Variants in PWWP3B observed in about 807,000 individuals in gnomAD.
PWWP3B encodes PWWP domain-containing DNA repair factor 3B.
A neutral mutation model predicts 15.7 loss-of-function variants in PWWP3B; 5 were observed. The ratio of observed to expected loss-of-function variants is 0.32; its 90% CI spans 0.17 to 0.67. The LOEUF (loss-of-function observed/expected upper bound fraction) is 0.67, where lower values mean the gene tolerates loss of function less well. Ranked by LOEUF, PWWP3B falls within the 30% of genes least tolerant of loss-of-function variation. The probability of loss-of-function intolerance (pLI) is 0.74; values close to 1 mark genes in which losing one functional copy is unlikely to be tolerated. For synonymous variants in PWWP3B, 203 were observed against 179.8 expected (o/e 1.13, Z -1.03); for missense variants, 519 against 493.1 (o/e 1.05, Z -0.50).
chrX:106,177,439 G>T (rs1038438671), intron 2 of PWWP3B: 1 of 112,684 alleles, frequency 8.9e-6, no homozygotes, highest in Non-Finnish European at 1.9e-5. Context: ...GGAAAGAAAA[G>T]AAATAGAGAT....
intron 2 of PWWP3B, among the ~76,000 whole-genome samples, chrX:106,191,841 A>G (rs1183166578): frequency 8.9e-6 from 1 of 111,899 alleles, no homozygotes; most frequent in Admixed American, 9.5e-5. Context: ...GTTGGATTAC[A>G]TTTATTGATT....
intron 2 of PWWP3B, among the ~76,000 whole-genome samples, chrX:106,186,099 G>A (rs1487908817): frequency 9.0e-6 from 1 of 111,611 alleles, no homozygotes; most frequent in Admixed American, 9.5e-5. Flanking sequence ...ACTAGCCTTG[G>A]AGAAGAGAGG....
chrX:106,193,568 T>G (rs1923154156), intron 2 of PWWP3B, among the ~76,000 whole-genome samples: 1 of 111,851 alleles, frequency 8.9e-6, no homozygotes, highest in Admixed American at 9.5e-5. Flanking sequence ...ATGTGTGAAT[T>G]TGATCCTGTC....
At position 106,183,703 on chromosome X, in the gene PWWP3B, G is replaced by T. The variant is rs139087944; in HGVS notation, c.-401+12564G>T. The stretch of plus-strand genomic sequence containing the variant: ...TTCCTTGGATGGTAACGGGCCTTGA[G>T]GACAGCTGTCTAGGATAGGAGATAA... On this transcript the variant is annotated intron_variant, in intron 2 of 3. Coordinates refer to ENST00000357175, the MANE Select transcript of PWWP3B (RefSeq NM_001171020.2). 4.0e-3 allele frequency among the ~76,000 whole-genome samples: 454 copies of T among 112,427 alleles called. 6 individuals are homozygous for T. The highest frequency in any genetic ancestry group is 0.014 in the African/African-American group (425 of 30,957).
rs1335255012 is a variant in PWWP3B, at chrX:106,189,379, C to G, written c.-400-14606C>G. 1.1e-4 allele frequency among the ~76,000 whole-genome samples: 12 copies of G among 109,918 alleles called. No homozygotes were observed. In the Admixed American group the frequency reaches 1.2e-3, roughly 11 times the overall value. On this transcript the variant is annotated intron_variant, in intron 2 of 3. Transcript: ENST00000357175. ...ATATCTCCTAATGCTATCCCTCTCC[C>G]CTCCCCCCACCACACAACAGTCCCC...
intron 2 of PWWP3B, among the ~76,000 whole-genome samples, chrX:106,184,481 A>G (rs1444539921): frequency 9.0e-6 from 1 of 111,377 alleles, no homozygotes; most frequent in Admixed American, 9.5e-5. Context: ...TCCAGTCCCC[A>G]TGATCTGAGT....
chrX:106,197,349 C>T (rs1373449796), intron 2 of PWWP3B, among the ~76,000 whole-genome samples: 1 of 111,554 alleles, frequency 9.0e-6, no homozygotes. Context: ...CCTATCTCTC[C>T]CTCCCAGGCA....
intron 2 of PWWP3B, among the ~76,000 whole-genome samples, chrX:106,192,592 T>A (rs1320818256): frequency 9.0e-6 from 1 of 111,407 alleles, no homozygotes; most frequent in African/African-American, 3.3e-5. Flanking sequence ...AGCTTTTGAA[T>A]GTGTTTGCTC....
intron 2 of PWWP3B, among the ~76,000 whole-genome samples, chrX:106,194,403 A>G (rs1176859967): frequency 9.0e-6 from 1 of 111,461 alleles, no homozygotes; most frequent in African/African-American, 3.3e-5. Context: ...AGGTCCTTTA[A>G]GGACTTCTCT....
intron 2 of PWWP3B, among the ~76,000 whole-genome samples, chrX:106,188,995 T>C (rs546436632): frequency 8.9e-6 from 1 of 112,030 alleles, no homozygotes; most frequent in South Asian, 3.7e-4. Flanking sequence ...TAAGTTTTCA[T>C]TTCTCTTGAG....
At chrX:106,176,982 T>A (rs1921933726) in intron 2 of PWWP3B, among the ~76,000 whole-genome samples, 2 of 112,536 alleles carry the variant, frequency 1.8e-5, no homozygotes, top group Non-Finnish European at 3.7e-5. Context: ...CTTGAAATCG[T>A]TTTTAGAAAT....
chrX:106,190,955 G>C (rs1260696018), intron 2 of PWWP3B, among the ~76,000 whole-genome samples: 1 of 111,447 alleles, frequency 9.0e-6, no homozygotes, highest in Non-Finnish European at 1.9e-5. Context: ...TAGCCTTGTA[G>C]TATAGTTTGA....
In PWWP3B at chrX:106,206,328, C is replaced by T; in HGVS notation, c.896C>T (p.Ser299Phe). 1.7e-6 allele frequency: 2 copies of T among 1,203,719 alleles called. No homozygotes were observed. The highest frequency in any genetic ancestry group is 2.2e-6 in the Non-Finnish European group (2 of 891,068). Residue 299 changes from serine (S) to phenylalanine (F), a missense_variant, in exon 4 of 4, where the codon TCC becomes TTC. Coordinates refer to ENST00000357175, the MANE Select transcript of PWWP3B (RefSeq NM_001171020.2). ...PCLDTSQNQP[S>F]MESEMGAAAC... ...TTAGATACCAGCCAGAATCAACCTT[C>T]CATGGAATCAGAGATGGGGGCTGCA...
At position 106,205,477 on chromosome X, in the gene PWWP3B, G is replaced by A; in HGVS notation, c.45G>A (p.Trp15Ter). ...YVLCNWKDQL[W>*]PAKVLSRSET... ...TATGCAACTGGAAAGACCAGTTGTG[G>A]CCAGCAAAAGTTTTGTCCAGATCTG... The change falls in exon 4 of 4, where the codon TGG becomes TGA. Residue 15 changes from tryptophan (W) to a stop codon, truncating the protein, a stop_gained. Coordinates refer to ENST00000357175, the MANE Select transcript of PWWP3B (RefSeq NM_001171020.2). LOFTEE classifies it low-confidence loss of function (END_TRUNC). 1 of 1,191,428 alleles carries A rather than the reference G, an allele frequency of 8.4e-7. No homozygotes were observed. The highest frequency in any genetic ancestry group is 1.1e-6 in the Non-Finnish European group (1 of 885,678).
rs187212216 is a variant in PWWP3B, at chrX:106,177,028, A to G, written c.-401+5889A>G. ...AGTAGGCAAGAAAAATATGTAAAAG[A>G]TGTTCTTTACTGAGTCTTTATTATA... On this transcript the variant is annotated intron_variant, in intron 2 of 3. Transcript: ENST00000357175. Among the ~76,000 whole-genome samples, 439 of 112,919 alleles carry G rather than the reference A, an allele frequency of 3.9e-3. 5 individuals are homozygous for G. Among genetic ancestry groups the G allele is most frequent in the African/African-American group, 0.014 (422 of 31,140 alleles).
chrX:106,189,776 C>G (rs1354172230), intron 2 of PWWP3B, among the ~76,000 whole-genome samples: 3 of 109,424 alleles, frequency 2.7e-5, no homozygotes, highest in Non-Finnish European at 3.8e-5. Context: ...TGCTACCACG[C>G]CCGGCTAATT....
At chrX:106,194,766 A>C (rs1923266539) in intron 2 of PWWP3B, among the ~76,000 whole-genome samples, 1 of 110,939 alleles carries the variant, frequency 9.0e-6, no homozygotes, top group Non-Finnish European at 1.9e-5. Context: ...AACAGACAGG[A>C]CCCTCAGCTG....
At chrX:106,196,816 G>A (rs1407052830) in intron 2 of PWWP3B, among the ~76,000 whole-genome samples, 1 of 112,055 alleles carries the variant, frequency 8.9e-6, no homozygotes, top group Admixed American at 9.5e-5. Flanking sequence ...ATGTTGAAGA[G>A]TTTTTCCTCC....
rs368499488 is a variant in PWWP3B, at chrX:106,207,001, G to A, written c.1569G>A (p.Arg523=). 9.9e-6 allele frequency: 12 copies of A among 1,208,277 alleles called. No homozygotes were observed. Among genetic ancestry groups the A allele is most frequent in the Non-Finnish European group, 1.1e-5 (10 of 894,390 alleles). The change falls in exon 4 of 4, where the codon AGG becomes AGA. Residue 523 remains arginine (R), a synonymous_variant. Transcript: ENST00000357175. ...CAAAGCTGCATAATGAAGATGCCAG[G>A]GAACCGATGGCTGTAACTTCCCAGA... ...KFPKLHNEDA[R]EPMAVTSQTK...
Sources: allele counts gnomAD v4.1 joint callset (sites outside exome capture counted in the v4.1 genomes callset), GRCh38; gene constraint gnomAD v4.1.1; transcripts MANE v1.5; gene names NCBI Gene and HGNC (gene_info 2026-07-23, HGNC 2026-07-21).